The following ADD2 variants were observed in gnomAD, a reference collection of about 807,000 sequenced individuals.
ADD2 encodes the protein adducin 2.
Under a neutral mutation model 83.0 loss-of-function variants are expected in ADD2, and 23 were observed. The observed-to-expected ratio is 0.28, with a 90% CI of 0.20 to 0.39. The LOEUF (loss-of-function observed/expected upper bound fraction) is 0.39, where lower values mean the gene tolerates loss of function less well. Ranked by LOEUF, ADD2 falls within the 10% of genes least tolerant of loss-of-function variation. The pLI, the probability that ADD2 is intolerant of heterozygous loss-of-function variation, is 1.00. For synonymous variants in ADD2, 375 were observed against 375.4 expected, an observed-to-expected ratio of 1.00 and a Z score of 0.01; for missense variants, 758 against 944.9, an observed-to-expected ratio of 0.80 and a Z score of 2.59.
chr2:70,714,404 G>A (rs1191997640), intron 1 of ADD2, among the ~76,000 whole-genome samples: 1 of 152,166 alleles, frequency 6.6e-6, no homozygotes, highest in Non-Finnish European at 1.5e-5. Flanking sequence ...GGGACAAGGA[G>A]AACTCATCTT....
At chr2:70,671,699 T>G (rs1160348235) in intron 15 of ADD2, among the ~76,000 whole-genome samples, 3 of 152,166 alleles carry the variant, frequency 2.0e-5, no homozygotes, top group Admixed American at 6.5e-5. Context: ...TCGGGGTACA[T>G]CCACTTGGGG....
Position 70,659,741 on chromosome 2 carries a change from A to T in ADD2, c.*3684T>A, listed in dbSNP as rs1675478356. 6.6e-6 allele frequency: 1 copy of T among 152,138 alleles called. No individual in the cohort carries two copies. The allele number at this position is 152,138 out of a possible 1,614,324, so 9.4% of individuals were successfully genotyped here. On this transcript the variant is annotated 3_prime_UTR_variant, in exon 16 of 16. Transcript: ENST00000264436. Reference sequence around the variant, plus strand: ...TTGGGAGGAAGGTCACATGGTATGGACGGTTCTCTCACACCACTGTTGGGT... The same window carrying T: ...TTGGGAGGAAGGTCACATGGTATGGTCGGTTCTCTCACACCACTGTTGGGT...
intron 1 of ADD2, among the ~76,000 whole-genome samples, chr2:70,739,374 CA>C (rs1413836209): frequency 6.6e-6 from 1 of 152,050 alleles, no homozygotes; most frequent in Non-Finnish European, 1.5e-5. Context: ...ATTAAAAAGT[CA>C]AAAATTACAG....
chr2:70,665,521 A>G (rs1254963933), intron 15 of ADD2, among the ~76,000 whole-genome samples: 4 of 152,168 alleles, frequency 2.6e-5, no homozygotes, highest in African/African-American at 9.7e-5. Context: ...GGCTGGACAC[A>G]ACCATCTCTC....
chr2:70,667,872 G>A (rs1293576490), intron 15 of ADD2, among the ~76,000 whole-genome samples: 23 of 152,134 alleles, frequency 1.5e-4, no homozygotes, highest in African/African-American at 5.6e-4. Flanking sequence ...ACCAGCCTCA[G>A]CCTCCCAAAG....
chr2:70,676,009 T>C lies in ADD2; in HGVS notation c.1593+787A>G, dbSNP rs1670121048. ...AGTGTGATGATACAACTTTCACACTTCTCCTGCCAATGGGCACCCACCCTG... is the reference window on the plus strand; with the variant it reads ...AGTGTGATGATACAACTTTCACACTCCTCCTGCCAATGGGCACCCACCCTG... On this transcript the variant is annotated intron_variant, in intron 13 of 15. Coordinates refer to ENST00000264436, the MANE Select transcript of ADD2 (RefSeq NM_001617.4). The surrounding 1 kb of genome is among the most constrained non-coding windows in gnomAD (Gnocchi z 4.8). 1 of 985,392 alleles carries C rather than the reference T, an allele frequency of 1.0e-6. No individual in the cohort carries two copies. The highest frequency in any genetic ancestry group is 1.7e-5 in the African/African-American group (1 of 57,358). The allele number at this position is 985,392 out of a possible 1,614,324, so 61.0% of individuals were successfully genotyped here. A position where few individuals can be genotyped will look rare whatever the true frequency, so the allele number is the denominator to read the frequency against.
At position 70,661,065 on chromosome 2, in the gene ADD2, A is replaced by G. The variant is rs1181238762; in HGVS notation, c.*2360T>C. ...CAATAGAAAGTGGGCCCATGGCATAAATTCCCAGAATAATGCTGCAGCAAG... is the reference window on the plus strand; with the variant it reads ...CAATAGAAAGTGGGCCCATGGCATAGATTCCCAGAATAATGCTGCAGCAAG... On this transcript the variant is annotated 3_prime_UTR_variant, in exon 16 of 16. Coordinates refer to ENST00000264436, the MANE Select transcript of ADD2 (RefSeq NM_001617.4). The G allele has an allele frequency of 6.6e-6, 1 of 152,196 alleles. No individual in the cohort carries two copies. Among genetic ancestry groups the G allele is most frequent in the Non-Finnish European group, 1.5e-5 (1 of 68,044 alleles). The allele number at this position is 152,196 out of a possible 1,614,324, so 9.4% of individuals were successfully genotyped here.
At chr2:70,741,796 T>C (rs1182400911) in intron 1 of ADD2, among the ~76,000 whole-genome samples, 1 of 152,204 alleles carries the variant, frequency 6.6e-6, no homozygotes, top group Admixed American at 6.5e-5. Flanking sequence ...ATTTCTGTTG[T>C]GTTCAGCCAC....
intron 1 of ADD2, among the ~76,000 whole-genome samples, chr2:70,756,479 G>A (rs1553383871): frequency 6.6e-6 from 1 of 152,176 alleles, no homozygotes; most frequent in East Asian, 1.9e-4. Context: ...GCTACTTATT[G>A]TGCAGTAAGC....
chr2:70,704,253 C>T, intron 4 of ADD2, 68 bp downstream of exon 4: 2 of 1,440,860 alleles, frequency 1.4e-6, no homozygotes, highest in Non-Finnish European at 1.9e-6. Flanking sequence ...CTTGCTGCTC[C>T]TCCCTCTCTT....
intron 1 of ADD2, among the ~76,000 whole-genome samples, chr2:70,765,183 T>C (rs1340640949): frequency 1.3e-5 from 2 of 151,934 alleles, no homozygotes; most frequent in Non-Finnish European, 2.9e-5. Context: ...CGAAACCCCG[T>C]CTCTACTAAA....
chr2:70,722,214 G>C (rs1672763139), intron 1 of ADD2, among the ~76,000 whole-genome samples: 1 of 151,850 alleles, frequency 6.6e-6, no homozygotes, highest in Non-Finnish European at 1.5e-5. Context: ...TTGATAGAGG[G>C]GTAAAAATAA....
chr2:70,698,711 T>G (rs1298315064), intron 4 of ADD2, among the ~76,000 whole-genome samples: 1 of 152,180 alleles, frequency 6.6e-6, no homozygotes, highest in African/African-American at 2.4e-5. Flanking sequence ...GTATCCATTT[T>G]AAAAAGAAAA....
intron 6 of ADD2, 92 bp from the exon 7 acceptor site, chr2:70,692,644 C>T (rs1671104580): frequency 6.7e-6 from 9 of 1,346,352 alleles, no homozygotes; most frequent in Non-Finnish European, 8.9e-6. Context: ...GTGCCGCCCA[C>T]CTGTCTTCAC....
chr2:70,761,920 T>C (rs1675128279), intron 1 of ADD2, among the ~76,000 whole-genome samples: 1 of 151,618 alleles, frequency 6.6e-6, no homozygotes, highest in African/African-American at 2.4e-5. Flanking sequence ...CTACCCGCCC[T>C]GGCCTCCTGA....
At chr2:70,698,405 C>T (rs542424225) in intron 4 of ADD2, among the ~76,000 whole-genome samples, 4 of 152,280 alleles carry the variant, frequency 2.6e-5, no homozygotes, top group East Asian at 1.9e-4. Flanking sequence ...AAGGAGCTCC[C>T]GATCCCCTGC....
chr2:70,682,890 A>G (rs1387336239), intron 10 of ADD2, among the ~76,000 whole-genome samples: 1 of 152,208 alleles, frequency 6.6e-6, no homozygotes, highest in African/African-American at 2.4e-5. Flanking sequence ...GATTAAGGAA[A>G]TTAGTAGTAT....
intron 1 of ADD2, among the ~76,000 whole-genome samples, chr2:70,752,763 G>A (rs1468961752): frequency 6.6e-6 from 1 of 152,230 alleles, no homozygotes; most frequent in Non-Finnish European, 1.5e-5. Flanking sequence ...AAATGTCAGG[G>A]AAGCAGTTGG....
intron 1 of ADD2, among the ~76,000 whole-genome samples, chr2:70,722,322 C>A (rs1553377526): frequency 6.6e-6 from 1 of 151,642 alleles, no homozygotes; most frequent in African/African-American, 2.4e-5. Flanking sequence ...AAAAAAAAAA[C>A]ATTGCTAACT....
Sources: gnomAD v4.1 joint callset for allele counts (sites outside exome capture counted in the v4.1 genomes callset) on GRCh38, gnomAD v4.1.1 for gene constraint, Gnocchi (gnomAD v3.1) non-coding constraint, MANE v1.5 for transcripts, NCBI Gene and HGNC (gene_info 2026-07-23, HGNC 2026-07-21) for gene names.